Variants in ZNF175 observed in about 807,000 individuals in gnomAD.
ZNF175 encodes the protein zinc finger protein OTK18.
A neutral mutation model predicts 14.0 loss-of-function variants in ZNF175; 8 were observed. The observed-to-expected ratio is 0.57, with a 90% CI of 0.34 to 1.03. The LOEUF (loss-of-function observed/expected upper bound fraction) is 1.03. Ranked by LOEUF, ZNF175 falls within the 50% of genes least tolerant of loss-of-function variation. The pLI, the probability that ZNF175 is intolerant of heterozygous loss-of-function variation, is 0.03. For synonymous variants in ZNF175, 255 were observed against 296.8 expected (o/e 0.86, Z 1.45); for missense variants, 764 against 849.5 (o/e 0.90, Z 1.25).
Position 51,588,803 on chromosome 19 carries a change from A to C in ZNF175, c.*336A>C, listed in dbSNP as rs182052161. The C allele has an allele frequency of 6.4e-5, 26 of 405,656 alleles. No individual in the cohort carries two copies. Among genetic ancestry groups the C allele is most frequent in the Admixed American group, 1.6e-4 (4 of 24,332 alleles). 25.1% of individuals were successfully genotyped at this position (405,656 alleles called of 1,614,324 possible). On this transcript the variant is annotated 3_prime_UTR_variant, in exon 5 of 5. Coordinates refer to ENST00000262259, the MANE Select transcript of ZNF175 (RefSeq NM_007147.4). Reference sequence around the variant, plus strand: ...GACAGGTTGTTACTCGATTATTTATAGTAAAATATGTGGGAAATTATATCA... The same window carrying C: ...GACAGGTTGTTACTCGATTATTTATCGTAAAATATGTGGGAAATTATATCA...
intron 2 of ZNF175, among the ~76,000 whole-genome samples, chr19:51,575,257 C>T (rs1443665125): frequency 2.3e-5 from 3 of 130,180 alleles, no homozygotes; most frequent in Non-Finnish European, 4.6e-5. Flanking sequence ...CGCTCTGAAG[C>T]GCAGGCTGGA....
In ZNF175 at chr19:51,591,422, A is replaced by G. The variant is rs1297060142; in HGVS notation, c.*2955A>G. 1 of 152,236 alleles carries G rather than the reference A, an allele frequency of 6.6e-6. No individual in the cohort carries two copies. Among genetic ancestry groups the G allele is most frequent in the Non-Finnish European group, 1.5e-5 (1 of 68,056 alleles). The allele number at this position is 152,236 out of a possible 1,614,324, so 9.4% of individuals were successfully genotyped here. On this transcript the variant is annotated 3_prime_UTR_variant, in exon 5 of 5. Coordinates refer to ENST00000262259, the MANE Select transcript of ZNF175 (RefSeq NM_007147.4). ...TTTTCAGTCACATGAGGGCATGCTC[A>G]CAGATCTGTGAAAAGATCTGTTGGC...
chr19:51,592,447 C>CA lies in ZNF175; in HGVS notation c.*3980_*3981insA. 1 of 550,822 alleles carries CA rather than the reference C, an allele frequency of 1.8e-6. No homozygotes were observed. The highest frequency in any genetic ancestry group is 2.6e-5 in the South Asian group (1 of 38,132). The allele number at this position is 550,822 out of a possible 1,614,324, so 34.1% of individuals were successfully genotyped here. A position where few individuals can be genotyped will look rare whatever the true frequency, so the allele number is the denominator to read the frequency against. Reference sequence around the variant, plus strand: ...CATGAGTACAACACAAATGCTCGTTCTTAATGATTCAACAAACATGGAATT... The same window carrying CA: ...CATGAGTACAACACAAATGCTCGTTCATTAATGATTCAACAAACATGGAATT... On this transcript the variant is annotated 3_prime_UTR_variant, in exon 5 of 5. Transcript: ENST00000262259.
intron 4 of ZNF175, among the ~76,000 whole-genome samples, chr19:51,586,337 C>T (rs906646720): frequency 2.6e-5 from 4 of 152,186 alleles, no homozygotes; most frequent in Non-Finnish European, 5.9e-5. Flanking sequence ...TTATGTGCTT[C>T]CTTTTCTTTG....
In ZNF175 at chr19:51,573,284, T is replaced by C; in HGVS notation, c.-46T>C. The C allele has an allele frequency of 6.3e-7, 1 of 1,598,130 alleles. No homozygotes were observed. The highest frequency in any genetic ancestry group is 8.6e-7 in the Non-Finnish European group (1 of 1,168,290). ...TCCAGCTTCTGGCTCCTGGGAAAAG[T>C]GGAGTTGTCAGCAAGAGAGACCGAG... On this transcript the variant is annotated 5_prime_UTR_variant, in exon 2 of 5. Transcript: ENST00000262259.
rs1982354036 is a variant in ZNF175 at position 51,591,805 on chromosome 19, CG to C, written c.*3339del. ...CTTGTGAGATGGAGTCTCGCTCTGT[CG>C]CCCAGGCTCTGGAGTGCAGTGGCAC... On this transcript the variant is annotated 3_prime_UTR_variant, in exon 5 of 5. Transcript: ENST00000262259. The C allele has an allele frequency of 6.7e-6, 1 of 148,508 alleles. No homozygotes were observed. Among genetic ancestry groups the C allele is most frequent in the Non-Finnish European group, 1.5e-5 (1 of 67,648 alleles). The allele number at this position is 148,508 out of a possible 1,614,324, so 9.2% of individuals were successfully genotyped here.
At position 51,588,894 on chromosome 19, in the gene ZNF175, A is replaced by G. The variant is rs1273576336; in HGVS notation, c.*427A>G. On this transcript the variant is annotated 3_prime_UTR_variant, in exon 5 of 5. Coordinates refer to ENST00000262259, the MANE Select transcript of ZNF175 (RefSeq NM_007147.4). The stretch of plus-strand genomic sequence containing the variant: ...GTGCCAACACAGTCATGATAGGACA[A>G]TATTTTATGTGTGTGTGTGCGCCTT... 1 of 399,102 alleles carries G rather than the reference A, an allele frequency of 2.5e-6. No individual in the cohort carries two copies. Among genetic ancestry groups the G allele is most frequent in the Non-Finnish European group, 4.4e-6 (1 of 226,976 alleles). The allele number at this position is 399,102 out of a possible 1,614,324, so 24.7% of individuals were successfully genotyped here. A position where few individuals can be genotyped will look rare whatever the true frequency, so the allele number is the denominator to read the frequency against.
intron 2 of ZNF175, chr19:51,574,185 A>G (rs1981693235): frequency 6.6e-6 from 1 of 152,242 alleles, no homozygotes; most frequent in Non-Finnish European, 1.5e-5. Context: ...AGTATAATAA[A>G]TATGTGTGTT....
intron 2 of ZNF175, among the ~76,000 whole-genome samples, chr19:51,581,092 T>G (rs1981981385): frequency 1.3e-5 from 2 of 152,228 alleles, no homozygotes; most frequent in South Asian, 4.2e-4. Flanking sequence ...GCCTCACATG[T>G]AGTTGCTTCG....
rs1017922835 is a variant in ZNF175 at position 51,573,204 on chromosome 19, T to C, written c.-126T>C. 2 of 884,634 alleles carry C rather than the reference T, an allele frequency of 2.3e-6. No homozygotes were observed. Among genetic ancestry groups the C allele is most frequent in the Non-Finnish European group, 3.7e-6 (2 of 538,382 alleles). 54.8% of individuals were successfully genotyped at this position (884,634 alleles called of 1,614,324 possible). ...ATCATTGAGGCTGCAGGATCTCTCT[T>C]CATAGCCCAGTACGACTCTCCGCCG... is the stretch of plus-strand genomic sequence containing the variant. On this transcript the variant is annotated 5_prime_UTR_variant, in exon 2 of 5. Coordinates refer to ENST00000262259, the MANE Select transcript of ZNF175 (RefSeq NM_007147.4).
chr19:51,589,565 C>T lies in ZNF175; in HGVS notation c.*1098C>T. On this transcript the variant is annotated 3_prime_UTR_variant, in exon 5 of 5. Transcript: ENST00000262259. ...TCTTTTAGGATTAGCTCAGCTTGCC[C>T]CCCCTTTCCATCTCCACCATCTATA... The T allele has an allele frequency of 1.4e-6, 1 of 702,056 alleles. No individual in the cohort carries two copies. Among genetic ancestry groups the T allele is most frequent in the South Asian group, 1.5e-5 (1 of 67,532 alleles). 43.5% of individuals were successfully genotyped at this position (702,056 alleles called of 1,614,324 possible).
At position 51,588,052 on chromosome 19, in the gene ZNF175, T is replaced by C; in HGVS notation, c.1721T>C (p.Phe574Ser). 6.2e-7 allele frequency: 1 copy of C among 1,614,150 alleles called. No homozygotes were observed. The highest frequency in any genetic ancestry group is 8.5e-7 in the Non-Finnish European group (1 of 1,179,998). Reference sequence around the variant, plus strand: ...AAAGCCTTCACTTCTAAGTCTCAATTCAAAGAGCATCAGCGAATTCACACG... The same window carrying C: ...AAAGCCTTCACTTCTAAGTCTCAATCCAAAGAGCATCAGCGAATTCACACG... ...CGKAFTSKSQ[F>S]KEHQRIHTGE... Residue 574 changes from phenylalanine to serine, a missense_variant, in exon 5 of 5, where the codon TTC becomes TCC. Coordinates refer to ENST00000262259, the MANE Select transcript of ZNF175 (RefSeq NM_007147.4).
rs368860473 is a variant in ZNF175 at position 51,580,347 on chromosome 19, G to A, written c.73-1044G>A. Among the ~76,000 whole-genome samples, 29 of 152,234 alleles carry A rather than the reference G, an allele frequency of 1.9e-4. No individual in the cohort carries two copies. In the South Asian group the frequency reaches 3.7e-3, roughly 20 times the overall value. ...TTATCTCTCTCCTTGTGATAAAATT[G>A]ATGATTGGGTTCAGATATTGTCAGC... is the stretch of plus-strand genomic sequence containing the variant. On this transcript the variant is annotated intron_variant, in intron 2 of 4. Coordinates refer to ENST00000262259, the MANE Select transcript of ZNF175 (RefSeq NM_007147.4).
Position 51,589,438 on chromosome 19 carries a change from G to A in ZNF175, c.*971G>A, listed in dbSNP as rs1194413737. 1 of 613,156 alleles carries A rather than the reference G, an allele frequency of 1.6e-6. No homozygotes were observed. Among genetic ancestry groups the A allele is most frequent in the South Asian group, 2.0e-5 (1 of 49,998 alleles). 38.0% of individuals were successfully genotyped at this position (613,156 alleles called of 1,614,324 possible). Reference sequence around the variant, plus strand: ...TATATAATGAGGTTGTATCAACAATGATTAACTCCTTTATTATACATACAC... The same window carrying A: ...TATATAATGAGGTTGTATCAACAATAATTAACTCCTTTATTATACATACAC... On this transcript the variant is annotated 3_prime_UTR_variant, in exon 5 of 5. Transcript: ENST00000262259.
chr19:51,587,295 C>A lies in ZNF175; in HGVS notation c.964C>A (p.Leu322Ile). The change falls in exon 5 of 5, where the codon CTC becomes ATC. Residue 322 changes from leucine to isoleucine, a missense_variant. By Grantham distance (5) the Leu-to-Ile change is conservative. Transcript: ENST00000262259. ...CGKAFMPQLK[L>I]SVYLTDHTGD... Reference sequence around the variant, plus strand: ...AAAAGCCTTCATGCCACAACTAAAACTCAGTGTATATCTGACAGATCATAC... The same window carrying A: ...AAAAGCCTTCATGCCACAACTAAAAATCAGTGTATATCTGACAGATCATAC... 1.9e-6 allele frequency: 3 copies of A among 1,614,198 alleles called. No homozygotes were observed. Among genetic ancestry groups the A allele is most frequent in the Non-Finnish European group, 2.5e-6 (3 of 1,180,028 alleles).
At position 51,588,678 on chromosome 19, in the gene ZNF175, CCTT is replaced by C. The variant is rs1982259845; in HGVS notation, c.*214_*216del. 3 of 541,382 alleles carry C rather than the reference CCTT, an allele frequency of 5.5e-6. No individual in the cohort carries two copies. Among genetic ancestry groups the C allele is most frequent in the Admixed American group, 3.7e-5 (1 of 26,734 alleles). 33.5% of individuals were successfully genotyped at this position (541,382 alleles called of 1,614,324 possible). On this transcript the variant is annotated 3_prime_UTR_variant, in exon 5 of 5. Transcript: ENST00000262259. ...CAGAGAAAAGAGTAAGCAGAAATGT[CCTT>C]CTGAGTACTGGCCTCATTAAGGATT...
At chr19:51,583,976 A>G (rs1166914774) in intron 4 of ZNF175, among the ~76,000 whole-genome samples, 1 of 152,242 alleles carries the variant, frequency 6.6e-6, no homozygotes, top group Admixed American at 6.5e-5. Flanking sequence ...GGATACAGAA[A>G]TTACTGATTT....
At chr19:51,577,814 C>T (rs1290882622) in intron 2 of ZNF175, among the ~76,000 whole-genome samples, 1 of 151,858 alleles carries the variant, frequency 6.6e-6, no homozygotes, top group East Asian at 2.0e-4. Flanking sequence ...AAGGCGCCCG[C>T]CACCACACCA....
chr19:51,571,786 C>T (rs1453842393), intron 1 of ZNF175, among the ~76,000 whole-genome samples: 1 of 152,108 alleles, frequency 6.6e-6, no homozygotes, highest in African/African-American at 2.4e-5. Context: ...CTAGGGGAGT[C>T]AGTGATTGAT....
Sources: allele counts gnomAD v4.1 joint callset (sites outside exome capture counted in the v4.1 genomes callset), GRCh38; gene constraint gnomAD v4.1.1; transcripts MANE v1.5; gene names NCBI Gene and HGNC (gene_info 2026-07-23, HGNC 2026-07-21).